Variants in UPRT observed in about 807,000 individuals in gnomAD.
The protein encoded by UPRT is RP11-311P8.3.
Under a neutral mutation model 22.6 loss-of-function variants are expected in UPRT, and 5 were observed. The ratio of observed to expected loss-of-function variants is 0.22; its 90% confidence interval spans 0.12 to 0.47. UPRT has a LOEUF of 0.47. UPRT is among the 20% of genes least tolerant of loss of function. The pLI is 0.99. For missense variants in UPRT, 181 were observed against 239.9 expected (o/e 0.75, Z 1.62); for synonymous variants, 77 against 87.7 (o/e 0.88, Z 0.68).
At chrX:75,170,604 A>G (rs989094538) in intron 4 of UPRT, among the ~76,000 whole-genome samples, 1 of 111,398 alleles carries the variant, frequency 9.0e-6, no homozygotes, top group African/African-American at 3.3e-5. Context: ...TTGAGATACT[A>G]TTTCATTCAT....
intron 4 of UPRT, among the ~76,000 whole-genome samples, chrX:75,168,434 G>T (rs1301542362): frequency 9.1e-6 from 1 of 109,502 alleles, no homozygotes; most frequent in East Asian, 2.9e-4. Context: ...TGGGGGCGGG[G>T]TTATTTAAAA....
chrX:75,172,468 A>T (rs2147604450), intron 4 of UPRT, among the ~76,000 whole-genome samples: 1 of 111,874 alleles, frequency 8.9e-6, no homozygotes, highest in South Asian at 3.8e-4. Context: ...GTTTCCAGGC[A>T]GTGGGTGAGC....
chrX:75,171,428 T>C (rs1424080898), intron 4 of UPRT, among the ~76,000 whole-genome samples: 3 of 111,694 alleles, frequency 2.7e-5, no homozygotes, highest in African/African-American at 9.7e-5. Context: ...GAAGTTGTGA[T>C]TGTTTTTTAT....
At chrX:75,221,205 G>C (rs755505272) in intron 4 of UPRT, among the ~76,000 whole-genome samples, 139 of 107,356 alleles carry the variant, frequency 1.3e-3, no homozygotes, top group African/African-American at 4.4e-3. Flanking sequence ...TCTGTTTTTT[G>C]TTTGTTTTTT....
At chrX:75,246,517 C>T (rs1252776360) in intron 4 of UPRT, among the ~76,000 whole-genome samples, 21 of 110,386 alleles carry the variant, frequency 1.9e-4, no homozygotes, top group African/African-American at 6.6e-4. Flanking sequence ...ATGGACATTT[C>T]GGTTGGTTCC....
rs896773896 is a variant in UPRT at position 75,256,486 on chromosome X, C to G, written c.-446-34538C>G. ...AAACAAGAACCAACCAAACCCAAACCCAGCAGAAGAAAGGAAATAACCAAG... is the reference window on the plus strand; with the variant it reads ...AAACAAGAACCAACCAAACCCAAACGCAGCAGAAGAAAGGAAATAACCAAG... On this transcript the variant is annotated intron_variant, in intron 4 of 13. Coordinates refer to the UPRT transcript ENST00000652605. Among the ~76,000 whole-genome samples, 3 of 110,619 alleles carry G rather than the reference C, an allele frequency of 2.7e-5. No homozygotes were observed. In the Admixed American group the frequency reaches 2.9e-4, roughly 11 times the overall value.
At chrX:75,235,067 AG>A (rs1269496542) in intron 4 of UPRT, among the ~76,000 whole-genome samples, 1 of 111,248 alleles carries the variant, frequency 9.0e-6, no homozygotes, top group Non-Finnish European at 1.9e-5. Flanking sequence ...AAAAGAGAGA[AG>A]AATCAAATAG....
chrX:75,252,635 G>A (rs1026518666), intron 4 of UPRT, among the ~76,000 whole-genome samples: 6 of 111,812 alleles, frequency 5.4e-5, no homozygotes, highest in Middle Eastern at 4.2e-3. Context: ...TCAGTGTGGC[G>A]ATTCCACTAG....
chrX:75,157,763 G>A (rs2082186835), intron 1 of UPRT, among the ~76,000 whole-genome samples: 2 of 112,307 alleles, frequency 1.8e-5, no homozygotes, highest in African/African-American at 3.2e-5. Flanking sequence ...AGCAGTGGCA[G>A]TAGATCGATT....
intron 4 of UPRT, among the ~76,000 whole-genome samples, chrX:75,237,728 C>G (rs1370082585): frequency 1.6e-4 from 16 of 98,760 alleles, no homozygotes; most frequent in Non-Finnish European, 2.8e-4. Context: ...TGTTCTCACT[C>G]ATAGGTGAGA....
At chrX:75,162,110 T>G (rs1363486619) in intron 2 of UPRT, among the ~76,000 whole-genome samples, 1 of 106,466 alleles carries the variant, frequency 9.4e-6, no homozygotes, top group African/African-American at 3.4e-5. Context: ...TCTTTTCTTT[T>G]TTTTTTTTTT....
At chrX:75,174,678 G>A (rs1342237800) in intron 4 of UPRT, among the ~76,000 whole-genome samples, 1 of 112,006 alleles carries the variant, frequency 8.9e-6, no homozygotes, top group African/African-American at 3.2e-5. Flanking sequence ...AGGAGGTCTA[G>A]GCCTCAGTGG....
chrX:75,184,163 C>G (rs1399352276), intron 4 of UPRT, among the ~76,000 whole-genome samples: 1 of 110,889 alleles, frequency 9.0e-6, no homozygotes, highest in Admixed American at 9.6e-5. Flanking sequence ...TTAGGTCGAA[C>G]GTTTAAGTCT....
intron 4 of UPRT, among the ~76,000 whole-genome samples, chrX:75,183,063 T>G (rs1167387846): frequency 9.0e-6 from 1 of 110,815 alleles, no homozygotes; most frequent in African/African-American, 3.3e-5. Context: ...AGGGTACATG[T>G]GCACAACATG....
At chrX:75,272,370 A>G (rs1265831429), upstream of UPRT, among the ~76,000 whole-genome samples, 22 of 88,133 alleles carry the variant, frequency 2.5e-4, no homozygotes, top group East Asian at 9.3e-4. Flanking sequence ...GTATATATAT[A>G]TATGTATATA....
intron 1 of UPRT, among the ~76,000 whole-genome samples, chrX:75,286,847 A>G (rs5937349): frequency 0.079 from 8,808 of 111,392 alleles, 524 homozygotes; most frequent in African/African-American, 0.21. Context: ...GAGGAACCTG[A>G]CTTTACTTTT....
At chrX:75,254,925 G>A (rs191291114) in intron 4 of UPRT, among the ~76,000 whole-genome samples, 1,931 of 109,903 alleles carry the variant, frequency 0.018, 49 homozygotes, top group African/African-American at 0.06. Context: ...ACAGGCGCCC[G>A]CCACCGCACC....
intron 1 of UPRT, among the ~76,000 whole-genome samples, chrX:75,278,394 A>T (rs1294141158): frequency 8.9e-6 from 1 of 112,484 alleles, no homozygotes. Flanking sequence ...AAAGTGCAGT[A>T]AACACTGAGT....
At chrX:75,196,561 A>T (rs889576984) in intron 4 of UPRT, among the ~76,000 whole-genome samples, 2 of 112,289 alleles carry the variant, frequency 1.8e-5, no homozygotes, top group African/African-American at 6.5e-5. Flanking sequence ...ATAATAATAG[A>T]AAGAGGCCGA....
Sources: allele counts gnomAD v4.1 joint callset (sites outside exome capture counted in the v4.1 genomes callset), GRCh38; gene constraint gnomAD v4.1.1; transcripts MANE v1.5; gene names NCBI Gene and HGNC (gene_info 2026-07-23, HGNC 2026-07-21).